CDH12: variants seen among roughly 807,000 people sequenced by gnomAD.
CDH12 encodes the protein cadherin-12.
A neutral mutation model predicts 74.1 loss-of-function variants in CDH12; 41 were observed. That is an observed-to-expected ratio of 0.55 (90% confidence interval 0.43 to 0.72). The LOEUF is 0.72. Ranked by LOEUF, CDH12 falls within the 30% of genes least tolerant of loss-of-function variation. The pLI is 0.00. For missense variants in CDH12, 945 were observed against 977.2 expected (o/e 0.97, Z 0.44); for synonymous variants, 399 against 355.0 (o/e 1.12, Z -1.39).
intron 5 of CDH12, among the ~76,000 whole-genome samples, chr5:22,050,301 T>C (rs1194963576): frequency 3.3e-5 from 5 of 152,120 alleles, no homozygotes; most frequent in Admixed American, 2.0e-4. Flanking sequence ...GTATTGGAAT[T>C]ATCTATTCAT....
chr5:21,796,066 A>G lies in CDH12; in HGVS notation c.1256+6101T>C, dbSNP rs1746762102. ...ATGTTTTCTGATTATTATTTAAATT[A>G]CCTACTTGATTTTAAGTGACGGGTT... is the stretch of plus-strand genomic sequence containing the variant. On this transcript the variant is annotated intron_variant, in intron 10 of 14. Transcript: ENST00000382254. Among the ~76,000 whole-genome samples, 4 of 152,088 alleles carry G rather than the reference A, an allele frequency of 2.6e-5. 1 individual carries two copies. The South Asian group carries it at 6.2e-4, about 24-fold the overall frequency.
At chr5:22,183,209 T>C (rs1749741021) in intron 4 of CDH12, among the ~76,000 whole-genome samples, 1 of 150,088 alleles carries the variant, frequency 6.7e-6, no homozygotes, top group South Asian at 2.1e-4. Flanking sequence ...AATTTGGGAA[T>C]AAAAACCAAG....
intron 1 of CDH12, among the ~76,000 whole-genome samples, chr5:22,796,079 T>A (rs529141439): frequency 3.9e-5 from 6 of 152,320 alleles, no homozygotes; most frequent in South Asian, 4.1e-4. Context: ...CCATATTTTT[T>A]AAATCTATTC....
At chr5:22,516,177 A>G (rs1407473005) in intron 1 of CDH12, among the ~76,000 whole-genome samples, 1 of 152,148 alleles carries the variant, frequency 6.6e-6, no homozygotes, top group East Asian at 1.9e-4. Context: ...CAAATGGCCA[A>G]TGTTGAGAAT....
At chr5:22,588,504 C>G (rs1442446899) in intron 1 of CDH12, among the ~76,000 whole-genome samples, 1 of 152,072 alleles carries the variant, frequency 6.6e-6, no homozygotes, top group African/African-American at 2.4e-5. Context: ...GCCTGAGGTA[C>G]TGGTTTGGGA....
intron 5 of CDH12, among the ~76,000 whole-genome samples, chr5:21,984,366 C>A (rs932737614): frequency 6.6e-6 from 1 of 152,154 alleles, no homozygotes; most frequent in African/African-American, 2.4e-5. Flanking sequence ...CATTCTCAAG[C>A]ATATGGGAGA....
chr5:22,569,511 ATTTC>A (rs1739443358), intron 1 of CDH12, among the ~76,000 whole-genome samples: 1 of 152,150 alleles, frequency 6.6e-6, no homozygotes, highest in Non-Finnish European at 1.5e-5. Context: ...AGTCTCAGGT[ATTTC>A]TTTATAGCAA....
intron 1 of CDH12, among the ~76,000 whole-genome samples, chr5:22,547,075 G>A (rs1046959521): frequency 3.3e-5 from 5 of 152,150 alleles, no homozygotes; most frequent in Non-Finnish European, 5.9e-5. Flanking sequence ...TTTGAGGGCT[G>A]TTTTATAGAC....
chr5:21,847,550 G>A lies in CDH12; in HGVS notation c.647-5222C>T, dbSNP rs140783801. ...CCTTCTTCCTTCCTCTAAGGCAGTA[G>A]CAGATTAGCGTTTTCATATCTTTTT... On this transcript the variant is annotated intron_variant, in intron 7 of 14. Transcript: ENST00000382254. Among the ~76,000 whole-genome samples, 3 of 152,116 alleles carry A rather than the reference G, an allele frequency of 2.0e-5. No individual in the cohort carries two copies. The East Asian group carries it at 5.8e-4, about 30-fold the overall frequency.
intron 4 of CDH12, among the ~76,000 whole-genome samples, chr5:22,178,537 T>C (rs893718945): frequency 2.6e-5 from 4 of 152,220 alleles, no homozygotes; most frequent in African/African-American, 9.6e-5. Flanking sequence ...TGATTGTTTC[T>C]ATTAATTAAA....
chr5:22,044,093 A>G (rs866401073), intron 5 of CDH12, among the ~76,000 whole-genome samples: 66 of 152,172 alleles, frequency 4.3e-4, no homozygotes, highest in African/African-American at 1.2e-3. Flanking sequence ...AATCCTAAAA[A>G]TCACATGGAA....
intron 3 of CDH12, among the ~76,000 whole-genome samples, chr5:22,362,851 T>C (rs1022636858): frequency 6.8e-6 from 1 of 147,572 alleles, no homozygotes; most frequent in Admixed American, 7.1e-5. Context: ...AAACACCGCA[T>C]GTTCTCACTC....
intron 4 of CDH12, among the ~76,000 whole-genome samples, chr5:22,092,080 G>A (rs1223574327): frequency 6.6e-6 from 1 of 150,828 alleles, no homozygotes; most frequent in African/African-American, 2.4e-5. Context: ...TGGGGCAATT[G>A]GATATCCACA....
chr5:22,316,683 T>C (rs1008775259), intron 3 of CDH12, among the ~76,000 whole-genome samples: 5 of 152,118 alleles, frequency 3.3e-5, no homozygotes, highest in African/African-American at 1.2e-4. Flanking sequence ...ACCCTAATTG[T>C]TTAATGTTTA....
At chr5:22,422,970 G>A (rs1743720248) in intron 2 of CDH12, among the ~76,000 whole-genome samples, 1 of 152,106 alleles carries the variant, frequency 6.6e-6, no homozygotes, top group East Asian at 1.9e-4. Flanking sequence ...TCATGACAGA[G>A]TATATTAAAT....
chr5:22,471,797 C>T (rs1296894604), intron 2 of CDH12, among the ~76,000 whole-genome samples: 1 of 152,158 alleles, frequency 6.6e-6, no homozygotes, highest in Non-Finnish European at 1.5e-5. Context: ...GTTGACAGAA[C>T]ACCCTAATCT....
chr5:22,555,654 T>C (rs1457687873), intron 1 of CDH12, among the ~76,000 whole-genome samples: 1 of 152,062 alleles, frequency 6.6e-6, no homozygotes, highest in Admixed American at 6.6e-5. Context: ...CGTGGTCATC[T>C]TCAATCATTG....
At chr5:22,536,063 T>C (rs1215897137) in intron 1 of CDH12, among the ~76,000 whole-genome samples, 1 of 152,208 alleles carries the variant, frequency 6.6e-6, no homozygotes, top group Non-Finnish European at 1.5e-5. Flanking sequence ...AAAACAATGC[T>C]ATTTTGTATA....
intron 6 of CDH12, among the ~76,000 whole-genome samples, chr5:21,925,971 TGTG>T (rs1191252542): frequency 1.3e-5 from 2 of 152,150 alleles, no homozygotes. Flanking sequence ...TCTGGCATCT[TGTG>T]GGGGAGGATC....
Sources: gnomAD v4.1 joint callset for allele counts (sites outside exome capture counted in the v4.1 genomes callset) on GRCh38, gnomAD v4.1.1 for gene constraint, MANE v1.5 for transcripts, NCBI Gene and HGNC (gene_info 2026-07-23, HGNC 2026-07-21) for gene names.